METAP1: variants seen among roughly 807,000 people sequenced by gnomAD.
The protein encoded by METAP1 is methionyl aminopeptidase 1, also known as methionine aminopeptidase 1.
Under a neutral mutation model 53.8 loss-of-function variants are expected in METAP1, and 28 were observed. The observed-to-expected ratio is 0.52, with a 90% CI of 0.39 to 0.71. The LOEUF (loss-of-function observed/expected upper bound fraction) is 0.71, where lower values mean the gene tolerates loss of function less well. METAP1 is among the 30% of genes least tolerant of loss of function. The pLI is 0.00. For missense variants in METAP1, 389 were observed against 479.8 expected, an observed-to-expected ratio of 0.81 and a Z score of 1.77; for synonymous variants, 181 against 165.7, an observed-to-expected ratio of 1.09 and a Z score of -0.71.
chr4:99,022,287 A>G lies in METAP1; in HGVS notation c.115-6580A>G, dbSNP rs370211408. On this transcript the variant is annotated intron_variant, in intron 1 of 10. Transcript: ENST00000296411. ...AGACAGGAAACAGAGCAGGGCCAGG[A>G]GATGGAAGGGGCCTCCCTTGCCCTC... The G allele has an allele frequency of 4.9e-5, 31 of 630,668 alleles. No individual in the cohort carries two copies. The African/African-American group carries it at 5.4e-4, about 11-fold the overall frequency. The allele number at this position is 630,668 out of a possible 1,614,324, so 39.1% of individuals were successfully genotyped here.
intron 1 of METAP1, among the ~76,000 whole-genome samples, chr4:99,027,609 G>A (rs2110328499): frequency 6.6e-6 from 1 of 152,008 alleles, no homozygotes; most frequent in Non-Finnish European, 1.5e-5. Flanking sequence ...GGGTTCTGAG[G>A]AATAGGAAGT....
At chr4:99,010,867 A>G (rs1426642661) in intron 1 of METAP1, among the ~76,000 whole-genome samples, 1 of 152,088 alleles carries the variant, frequency 6.6e-6, no homozygotes, top group African/African-American at 2.4e-5. Context: ...TGCATTATAC[A>G]AGTCTTTTAA....
intron 1 of METAP1, chr4:99,023,636 C>G (rs966605728): frequency 3.0e-6 from 3 of 985,382 alleles, no homozygotes; most frequent in Non-Finnish European, 2.4e-6. Context: ...AATGTTAATT[C>G]TAGCCACTAC....
intron 1 of METAP1, chr4:99,026,467 GA>G (rs1724567685): frequency 1.0e-6 from 1 of 985,290 alleles, no homozygotes; most frequent in Non-Finnish European, 1.2e-6. Context: ...AGCTTCTGAG[GA>G]CGTAGTTATA....
intron 4 of METAP1, among the ~76,000 whole-genome samples, chr4:99,036,523 T>G (rs970013422): frequency 6.6e-6 from 1 of 152,076 alleles, no homozygotes; most frequent in East Asian, 1.9e-4. Context: ...ACAGAACTTT[T>G]CAGAACTATT....
At chr4:98,999,982 T>G (rs1369492873) in intron 1 of METAP1, among the ~76,000 whole-genome samples, 3 of 152,200 alleles carry the variant, frequency 2.0e-5, no homozygotes, top group African/African-American at 7.2e-5. Context: ...AAGAATTTTT[T>G]GAGGACAGAG....
chr4:99,048,590 G>A, intron 8 of METAP1, 143 bp from the exon 9 acceptor site: 1 of 865,178 alleles, frequency 1.2e-6, no homozygotes. Context: ...GGCTGGTCTT[G>A]AACTCCTGAG....
intron 1 of METAP1, chr4:99,022,548 G>A (rs973462858): frequency 2.7e-5 from 17 of 641,386 alleles, no homozygotes; most frequent in Admixed American, 2.6e-4. Context: ...CAGCAAGAAA[G>A]CATTGTCCCC....
intron 10 of METAP1, among the ~76,000 whole-genome samples, 175 bp from the exon 11 acceptor site, chr4:99,060,979 G>C (rs556223755): frequency 6.6e-6 from 1 of 152,282 alleles, no homozygotes; most frequent in East Asian, 1.9e-4. Context: ...TAATACATCT[G>C]ATGAAATTTA....
chr4:99,037,273 G>T (rs1046037189), intron 4 of METAP1, among the ~76,000 whole-genome samples: 1 of 151,410 alleles, frequency 6.6e-6, no homozygotes, highest in Non-Finnish European at 1.5e-5. Context: ...CGTTTGTTTT[G>T]TCATTACATT....
At chr4:99,061,124 G>C in intron 10 of METAP1, 30 bp from the exon 11 acceptor site, 1 of 1,596,838 alleles carries the variant, frequency 6.3e-7, no homozygotes, top group Non-Finnish European at 8.5e-7. Context: ...AAAACTGAGT[G>C]AACTAAGAAA....
chr4:99,014,586 C>A (rs2110292399), intron 1 of METAP1, among the ~76,000 whole-genome samples: 2 of 152,270 alleles, frequency 1.3e-5, no homozygotes, highest in Middle Eastern at 6.8e-3. Flanking sequence ...CAGGAACCCC[C>A]CTTGCAACAC....
chr4:99,040,473 T>G (rs1725774473), intron 5 of METAP1, among the ~76,000 whole-genome samples: 1 of 105,044 alleles, frequency 9.5e-6, no homozygotes, highest in African/African-American at 3.1e-5. Flanking sequence ...TTCATTCATC[T>G]ATTTTTTTTT....
intron 1 of METAP1, among the ~76,000 whole-genome samples, chr4:99,021,566 C>T (rs1006504826): frequency 2.0e-5 from 3 of 152,124 alleles, no homozygotes; most frequent in African/African-American, 7.2e-5. Flanking sequence ...AAGGATCTCT[C>T]AGCAAGGCTA....
chr4:99,011,716 G>A lies in METAP1; in HGVS notation c.114+15849G>A, dbSNP rs569670176. Among the ~76,000 whole-genome samples, 11 of 152,278 alleles carry A rather than the reference G, an allele frequency of 7.2e-5. No homozygotes were observed. In the South Asian group the frequency reaches 1.2e-3, roughly 17 times the overall value. ...AGCACTTTGGGAGGCTGAGGCAGGC[G>A]GATCACCTGAGGTTGGGAGTTCGAG... On this transcript the variant is annotated intron_variant, in intron 1 of 10. Coordinates refer to ENST00000296411, the MANE Select transcript of METAP1 (RefSeq NM_015143.3).
intron 1 of METAP1, among the ~76,000 whole-genome samples, chr4:99,020,898 C>T (rs1009969601): frequency 6.6e-6 from 1 of 152,106 alleles, no homozygotes; most frequent in Non-Finnish European, 1.5e-5. Flanking sequence ...AAGCATAAGT[C>T]CTAAAGGACT....
At chr4:99,055,459 A>G (rs1404678115) in intron 9 of METAP1, among the ~76,000 whole-genome samples, 2 of 152,198 alleles carry the variant, frequency 1.3e-5, no homozygotes, top group Admixed American at 1.3e-4. Context: ...GTGAAATGCA[A>G]TAAAACAAGG....
chr4:99,050,883 A>G (rs987293411), intron 9 of METAP1, among the ~76,000 whole-genome samples: 4 of 152,136 alleles, frequency 2.6e-5, no homozygotes, highest in African/African-American at 7.2e-5. Context: ...CTAGTGCAAA[A>G]TAGGTTGGGG....
chr4:99,041,950 A>G (rs1016083702), intron 6 of METAP1, among the ~76,000 whole-genome samples: 1 of 151,958 alleles, frequency 6.6e-6, no homozygotes, highest in Non-Finnish European at 1.5e-5. Context: ...GACGTATCGT[A>G]TGCAATAATA....
Sources: allele counts gnomAD v4.1 joint callset (sites outside exome capture counted in the v4.1 genomes callset), GRCh38; gene constraint gnomAD v4.1.1; transcripts MANE v1.5; gene names NCBI Gene and HGNC (gene_info 2026-07-23, HGNC 2026-07-21).